The following DPYS variants were observed in gnomAD, a reference collection of about 807,000 sequenced individuals.
DPYS encodes the protein dihydropyrimidine amidohydrolase.
In DPYS, 39 loss-of-function variants were observed where a neutral mutation model predicts 50.3. The ratio of observed to expected loss-of-function variants is 0.78; its 90% CI spans 0.60 to 1.01. The LOEUF is 1.01. DPYS is among the 50% of genes least tolerant of loss of function. DPYS has a pLI of 0.00. For synonymous variants in DPYS, 245 were observed against 250.7 expected, an observed-to-expected ratio of 0.98 and a Z score of 0.22; for missense variants, 659 against 680.9, an observed-to-expected ratio of 0.97 and a Z score of 0.36.
chr8:104,399,607 C>T (rs999589198), intron 7 of DPYS, among the ~76,000 whole-genome samples: 6 of 151,824 alleles, frequency 4.0e-5, no homozygotes, highest in African/African-American at 9.7e-5. Context: ...CGGTTGCTCA[C>T]GCCTGTAATC....
chr8:104,425,232 A>C (rs563000586), intron 6 of DPYS, among the ~76,000 whole-genome samples: 1 of 147,058 alleles, frequency 6.8e-6, no homozygotes, highest in East Asian at 2.1e-4. Context: ...TGCTTTTTTT[A>C]AATTTTTTGT....
At chr8:104,447,694 A>T (rs1006200119) in intron 2 of DPYS, among the ~76,000 whole-genome samples, 191 bp from the exon 3 acceptor site, 2 of 152,214 alleles carry the variant, frequency 1.3e-5, no homozygotes, top group African/African-American at 2.4e-5. Flanking sequence ...TCATCTGATA[A>T]ACTGCTGCTG....
rs986703274 is a variant in DPYS, at chr8:104,439,812, T to A, written c.793+4436A>T. Among the ~76,000 whole-genome samples the A allele has an allele frequency of 3.4e-4, 51 of 152,076 alleles. 1 individual carries two copies. The highest frequency in any genetic ancestry group is 1.2e-3 in the African/African-American group (49 of 41,404). On this transcript the variant is annotated intron_variant, in intron 4 of 9. Coordinates refer to ENST00000351513, the MANE Select transcript of DPYS (RefSeq NM_001385.3). ...AATAAATAAATAAACCCCAAACCCA[T>A]TAAATACAAACTTGATATCCAGGTT...
At chr8:104,418,645 C>G (rs1317965345) in intron 7 of DPYS, 1 of 152,328 alleles carries the variant, frequency 6.6e-6, no homozygotes, top group Non-Finnish European at 1.5e-5. Context: ...TCCTAGAACC[C>G]CCTGTCAATG....
rs760835540 is a variant in DPYS, at chr8:104,429,719, A to C, written c.794-18T>G. The C allele has an allele frequency of 1.9e-6, 3 of 1,614,034 alleles. No homozygotes were observed. Among genetic ancestry groups the C allele is most frequent in the South Asian group, 2.2e-5 (2 of 91,078 alleles). Reference sequence around the variant, plus strand: ...CACCTTCCCTGGAAAGATTAAAAGAAGCATTCATCACTTTAATTTTATTCT... The same window carrying C: ...CACCTTCCCTGGAAAGATTAAAAGACGCATTCATCACTTTAATTTTATTCT... On this transcript the variant is annotated intron_variant, in intron 4 of 9. Transcript: ENST00000351513.
chr8:104,414,240 C>G (rs1448164397), intron 7 of DPYS, among the ~76,000 whole-genome samples: 2 of 152,180 alleles, frequency 1.3e-5, no homozygotes, highest in Non-Finnish European at 2.9e-5. Context: ...GTATAGAGAA[C>G]TCCATTTGGG....
chr8:104,424,035 T>C, intron 7 of DPYS: 1 of 985,406 alleles, frequency 1.0e-6, no homozygotes. Flanking sequence ...TGTCAGAGAA[T>C]GCAACACAAC....
At chr8:104,461,475 T>C (rs1564116959) in intron 1 of DPYS, among the ~76,000 whole-genome samples, 1 of 152,164 alleles carries the variant, frequency 6.6e-6, no homozygotes, top group Non-Finnish European at 1.5e-5. Flanking sequence ...GGCATTTTAC[T>C]CTAAGGGATC....
At chr8:104,455,247 T>C (rs1460741638) in intron 1 of DPYS, among the ~76,000 whole-genome samples, 1 of 152,208 alleles carries the variant, frequency 6.6e-6, no homozygotes, top group Non-Finnish European at 1.5e-5. Context: ...CCCTAGAGCC[T>C]GAGCCTCTGG....
chr8:104,391,113 G>A (rs1449372287), intron 8 of DPYS, among the ~76,000 whole-genome samples: 1 of 152,102 alleles, frequency 6.6e-6, no homozygotes, highest in East Asian at 1.9e-4. Context: ...TTTAAAGCAC[G>A]TGAGAAAACT....
At position 104,428,136 on chromosome 8, in the gene DPYS, A is replaced by G. The variant is rs371584936; in HGVS notation, c.951-15T>C. 6.2e-7 allele frequency: 1 copy of G among 1,614,182 alleles called. No individual in the cohort carries two copies. Among genetic ancestry groups the G allele is most frequent in the African/African-American group, 1.3e-5 (1 of 75,058 alleles). ...TTAGATCATCACTGTAAAAGAAAAA[A>G]CACGAGAGTGATGGGGTGAGTATAC... On this transcript the variant is annotated splice_polypyrimidine_tract_variant and intron_variant, in intron 5 of 9. Transcript: ENST00000351513.
intron 7 of DPYS, chr8:104,421,290 T>G (rs1399134903): frequency 6.6e-6 from 1 of 152,214 alleles, no homozygotes; most frequent in Admixed American, 6.5e-5. Context: ...TATTTGATCA[T>G]TAATGTGATA....
At chr8:104,439,921 C>A (rs1813286960) in intron 4 of DPYS, among the ~76,000 whole-genome samples, 1 of 152,158 alleles carries the variant, frequency 6.6e-6, no homozygotes, top group African/African-American at 2.4e-5. Flanking sequence ...TAGACTTGGA[C>A]TTGAATTCCA....
intron 1 of DPYS, among the ~76,000 whole-genome samples, chr8:104,465,288 G>A (rs528539585): frequency 1.3e-4 from 20 of 152,014 alleles, no homozygotes; most frequent in Admixed American, 3.9e-4. Flanking sequence ...GGGGTAGTGG[G>A]GGGAGAAAGA....
At chr8:104,436,345 C>T (rs1813145963) in intron 4 of DPYS, among the ~76,000 whole-genome samples, 1 of 152,202 alleles carries the variant, frequency 6.6e-6, no homozygotes, top group South Asian at 2.1e-4. Context: ...CACAGTGGCT[C>T]ATGCCTATAA....
chr8:104,466,425 C>A (rs1174245657), intron 1 of DPYS, among the ~76,000 whole-genome samples: 1 of 152,190 alleles, frequency 6.6e-6, no homozygotes, highest in Admixed American at 6.5e-5. Context: ...TCGAGGGCAT[C>A]TGGTTGAGCC....
At chr8:104,413,544 G>T (rs914590682) in intron 7 of DPYS, among the ~76,000 whole-genome samples, 1 of 151,908 alleles carries the variant, frequency 6.6e-6, no homozygotes, top group Admixed American at 6.6e-5. Flanking sequence ...AATTATGGAC[G>T]TTGTAAGTTA....
Position 104,393,700 on chromosome 8 carries a change from A to T in DPYS, c.1236-709T>A, listed in dbSNP as rs531090824. 3.3e-5 allele frequency among the ~76,000 whole-genome samples: 5 copies of T among 152,354 alleles called. No homozygotes were observed. In the South Asian group the frequency reaches 1.0e-3, roughly 32 times the overall value. On this transcript the variant is annotated intron_variant, in intron 7 of 9. Transcript: ENST00000351513. ...ACGATTGATGACTTTCAGGCTGGGT[A>T]TTTGAAAATGCTACATGCCTCCTTT...
intron 5 of DPYS, among the ~76,000 whole-genome samples, chr8:104,428,851 GAC>G (rs1445723767): frequency 6.7e-6 from 1 of 148,242 alleles, no homozygotes; most frequent in East Asian, 2.0e-4. Context: ...TTTTTTTCGA[GAC>G]AGAGTCTTGC....
Sources: allele counts gnomAD v4.1 joint callset (sites outside exome capture counted in the v4.1 genomes callset), GRCh38; gene constraint gnomAD v4.1.1; transcripts MANE v1.5; gene names NCBI Gene and HGNC (gene_info 2026-07-23, HGNC 2026-07-21).